The following NAALADL2 variants were observed in gnomAD, a reference collection of about 807,000 sequenced individuals.
The protein encoded by NAALADL2 is inactive N-acetylated-alpha-linked acidic dipeptidase-like protein 2.
A neutral mutation model predicts 87.2 loss-of-function variants in NAALADL2; 76 were observed. The observed-to-expected ratio is 0.87, with a 90% CI of 0.72 to 1.05. The LOEUF is 1.05. Ranked by LOEUF, NAALADL2 falls within the 50% of genes least tolerant of loss-of-function variation. The probability of loss-of-function intolerance (pLI) is 0.00; values close to 1 mark genes in which losing one functional copy is unlikely to be tolerated. For synonymous variants in NAALADL2, 354 were observed against 331.0 expected (o/e 1.07, Z -0.75); for missense variants, 1,089 against 945.8 (o/e 1.15, Z -1.99).
In NAALADL2 at chr3:175,463,425, T is replaced by C. The variant is rs747922150; in HGVS notation, c.1259T>C (p.Val420Ala). The change falls in exon 7 of 14, where the codon GTT becomes GCT. Residue 420 changes from valine (V) to alanine (A), a missense_variant. Val to Ala is a moderately conservative substitution (Grantham distance 64). Transcript: ENST00000454872. ...GAAATAAGAGTCGTCAGCATGCAAGTTCAGACAGTCACAAAATTGAAAACA... is the reference window on the plus strand; with the variant it reads ...GAAATAAGAGTCGTCAGCATGCAAGCTCAGACAGTCACAAAATTGAAAACA... ...NNEIRVVSMQ[V>A]QTVTKLKTVT... is the part of the protein sequence containing the mutation. 2.5e-6 allele frequency: 4 copies of C among 1,595,898 alleles called. No homozygotes were observed. The highest frequency in any genetic ancestry group is 3.4e-6 in the Non-Finnish European group (4 of 1,170,190).
chr3:174,479,717 G>T (rs1717438686), intron 1 of NAALADL2, among the ~76,000 whole-genome samples: 1 of 151,962 alleles, frequency 6.6e-6, no homozygotes, highest in South Asian at 2.1e-4. Flanking sequence ...GTAGATTATG[G>T]TGGTTAAACA....
At chr3:175,117,616 A>G in intron 2 of NAALADL2, among the ~76,000 whole-genome samples, 1 of 150,562 alleles carries the variant, frequency 6.6e-6, no homozygotes, top group Non-Finnish European at 1.5e-5. Flanking sequence ...TCAGGAAACA[A>G]CAGGTGCTGG....
intron 13 of NAALADL2, among the ~76,000 whole-genome samples, chr3:175,783,939 T>G (rs1168002970): frequency 7.1e-6 from 1 of 141,508 alleles, no homozygotes; most frequent in East Asian, 1.9e-4. Context: ...TCAAAGGCTT[T>G]TTCTGCATCT....
chr3:175,323,783 C>T (rs1426144709), intron 4 of NAALADL2, among the ~76,000 whole-genome samples: 1 of 151,520 alleles, frequency 6.6e-6, no homozygotes, highest in Admixed American at 6.6e-5. Flanking sequence ...TTTGGGAGGC[C>T]GAGGTGGGCG....
At chr3:175,171,929 G>T (rs979098367) in intron 2 of NAALADL2, among the ~76,000 whole-genome samples, 2 of 151,986 alleles carry the variant, frequency 1.3e-5, no homozygotes, top group Non-Finnish European at 2.9e-5. Context: ...GCAGTTGGGG[G>T]GATAAAGAGA....
chr3:175,440,665 TC>T (rs1719575386), intron 5 of NAALADL2, among the ~76,000 whole-genome samples: 1 of 152,120 alleles, frequency 6.6e-6, no homozygotes, highest in Admixed American at 6.6e-5. Context: ...GGGGTTGAGT[TC>T]TTGATTCGAT....
intron 2 of NAALADL2, among the ~76,000 whole-genome samples, chr3:175,193,826 G>A (rs987414907): frequency 2.1e-4 from 32 of 151,822 alleles, no homozygotes; most frequent in African/African-American, 7.0e-4. Flanking sequence ...AGCACTGGAC[G>A]TTAAGCAAAA....
At chr3:175,128,460 T>C (rs1475524922) in intron 2 of NAALADL2, among the ~76,000 whole-genome samples, 1 of 101,336 alleles carries the variant, frequency 9.9e-6, no homozygotes, top group Non-Finnish European at 1.9e-5. Flanking sequence ...AATTTACCTT[T>C]TTTTTCTCTT....
chr3:175,468,789 G>C (rs1224847987), intron 8 of NAALADL2, among the ~76,000 whole-genome samples: 1 of 152,044 alleles, frequency 6.6e-6, no homozygotes, highest in Non-Finnish European at 1.5e-5. Flanking sequence ...AAAAAGTTTA[G>C]TTGAGCATCA....
chr3:175,620,698 C>G (rs1446147191), intron 10 of NAALADL2, among the ~76,000 whole-genome samples: 1 of 152,174 alleles, frequency 6.6e-6, no homozygotes, highest in Non-Finnish European at 1.5e-5. Flanking sequence ...TCACAGCTCT[C>G]TTGTTCTTAC....
At chr3:175,692,177 A>G (rs1375294109) in intron 11 of NAALADL2, among the ~76,000 whole-genome samples, 4 of 152,038 alleles carry the variant, frequency 2.6e-5, no homozygotes, top group South Asian at 2.1e-4. Flanking sequence ...GGACTTACCT[A>G]TGTTCATAGG....
intron 4 of NAALADL2, among the ~76,000 whole-genome samples, chr3:175,293,352 A>T (rs1475242744): frequency 6.6e-6 from 1 of 152,174 alleles, no homozygotes; most frequent in Non-Finnish European, 1.5e-5. Flanking sequence ...ATATATTGTT[A>T]CAAATTTATT....
chr3:175,282,109 T>C (rs1754382861), intron 4 of NAALADL2, among the ~76,000 whole-genome samples: 1 of 152,028 alleles, frequency 6.6e-6, no homozygotes, highest in South Asian at 2.1e-4. Context: ...TATTTTATAA[T>C]AAATACTACC....
intron 2 of NAALADL2, among the ~76,000 whole-genome samples, chr3:174,712,717 T>C (rs1360760572): frequency 6.6e-6 from 1 of 152,154 alleles, no homozygotes; most frequent in East Asian, 1.9e-4. Context: ...CAGTATTTCA[T>C]GTAAAAGAAG....
chr3:174,659,565 T>G (rs559977866), intron 2 of NAALADL2, among the ~76,000 whole-genome samples: 1 of 152,278 alleles, frequency 6.6e-6, no homozygotes, highest in South Asian at 2.1e-4. Context: ...TCATTCTCCT[T>G]CTCTCTGCCC....
At chr3:175,767,160 G>C (rs1748813708) in intron 13 of NAALADL2, among the ~76,000 whole-genome samples, 1 of 152,024 alleles carries the variant, frequency 6.6e-6, no homozygotes, top group Non-Finnish European at 1.5e-5. Context: ...TGAGTGTGCT[G>C]CTTAACCAGT....
At chr3:175,327,579 G>A (rs1303816943) in intron 5 of NAALADL2, among the ~76,000 whole-genome samples, 3 of 152,154 alleles carry the variant, frequency 2.0e-5, no homozygotes, top group African/African-American at 7.2e-5. Flanking sequence ...GAAATTCAGT[G>A]ATGGGTAACT....
intron 5 of NAALADL2, among the ~76,000 whole-genome samples, chr3:175,337,620 G>A (rs1428626536): frequency 6.6e-6 from 1 of 152,104 alleles, no homozygotes; most frequent in African/African-American, 2.4e-5. Flanking sequence ...TGAACTTATA[G>A]CCTCCAGAAT....
intron 1 of NAALADL2, among the ~76,000 whole-genome samples, chr3:174,872,146 C>T (rs752813627): frequency 2.6e-5 from 4 of 152,080 alleles, no homozygotes; most frequent in African/African-American, 7.2e-5. Flanking sequence ...GTGAAAACCT[C>T]GTGCTGTTAA....
Sources: gnomAD v4.1 joint callset for allele counts (sites outside exome capture counted in the v4.1 genomes callset) on GRCh38, gnomAD v4.1.1 for gene constraint, MANE v1.5 for transcripts, NCBI Gene and HGNC (gene_info 2026-07-23, HGNC 2026-07-21) for gene names.